The following NLGN4X variants were observed in gnomAD, a reference collection of about 807,000 sequenced individuals.
The protein encoded by NLGN4X is neuroligin-4, X-linked.
NLGN4X carries 3 observed loss-of-function variants against 40.3 expected under a neutral mutation model. The observed-to-expected ratio is 0.07, with a 90% CI of 0.03 to 0.19. The LOEUF (loss-of-function observed/expected upper bound fraction) is 0.19. NLGN4X is among the 10% of genes least tolerant of loss of function. The probability of loss-of-function intolerance (pLI) is 1.00; values close to 1 mark genes in which losing one functional copy is unlikely to be tolerated. For missense variants in NLGN4X, 382 were observed against 708.3 expected, an observed-to-expected ratio of 0.54 and a Z score of 5.23; for synonymous variants, 270 against 306.8, an observed-to-expected ratio of 0.88 and a Z score of 1.25.
intron 1 of NLGN4X, among the ~76,000 whole-genome samples, chrX:6,225,689 CTT>C (rs749574818): frequency 3.0e-4 from 8 of 26,900 alleles, no homozygotes; most frequent in Non-Finnish European, 3.2e-4. Flanking sequence ...TTCTTTTTTT[CTT>C]TTTTTTTTTT....
At chrX:5,916,560 C>T (rs1164093903) in intron 3 of NLGN4X, among the ~76,000 whole-genome samples, 3 of 111,568 alleles carry the variant, frequency 2.7e-5, no homozygotes, top group African/African-American at 9.8e-5. Flanking sequence ...AGCGACTCTC[C>T]TGCCTCAGCC....
At chrX:6,004,565 A>G (rs2036055684) in intron 3 of NLGN4X, among the ~76,000 whole-genome samples, 1 of 112,280 alleles carries the variant, frequency 8.9e-6, no homozygotes. Flanking sequence ...GAAATGTTTC[A>G]TTTGATAGGA....
At chrX:6,046,951 A>G (rs2037338345) in intron 2 of NLGN4X, among the ~76,000 whole-genome samples, 1 of 108,272 alleles carries the variant, frequency 9.2e-6, no homozygotes, top group Non-Finnish European at 1.9e-5. Context: ...TATACATTAT[A>G]TACTAATGCT....
intron 1 of NLGN4X, among the ~76,000 whole-genome samples, chrX:6,228,114 C>T (rs940438872): frequency 4.5e-5 from 5 of 111,552 alleles, no homozygotes; most frequent in African/African-American, 1.6e-4. Context: ...TCCTCCTCTC[C>T]CCGCCACAGT....
chrX:5,950,668 A>C (rs2034278915), intron 3 of NLGN4X, among the ~76,000 whole-genome samples: 1 of 112,352 alleles, frequency 8.9e-6, no homozygotes, highest in South Asian at 3.7e-4. Flanking sequence ...TGTTACTTAA[A>C]CACCACGTCA....
chrX:6,213,696 A>T (rs1458205217), intron 1 of NLGN4X, among the ~76,000 whole-genome samples: 2 of 112,483 alleles, frequency 1.8e-5, no homozygotes, highest in Non-Finnish European at 1.9e-5. Flanking sequence ...TGTATTTTGT[A>T]AAAGTAGTCA....
At chrX:6,188,839 T>G (rs769916232) in intron 1 of NLGN4X, among the ~76,000 whole-genome samples, 1 of 112,192 alleles carries the variant, frequency 8.9e-6, no homozygotes, top group East Asian at 2.8e-4. Context: ...TAACATAAGA[T>G]CACTAAGACT....
chrX:5,928,906 A>T (rs1317103977), intron 3 of NLGN4X, among the ~76,000 whole-genome samples: 1 of 108,914 alleles, frequency 9.2e-6, no homozygotes, highest in Non-Finnish European at 1.9e-5. Flanking sequence ...CTGGTCCTTG[A>T]ACTCCTGGGC....
intron 1 of NLGN4X, among the ~76,000 whole-genome samples, chrX:6,220,917 T>C (rs1925618950): frequency 9.2e-6 from 1 of 108,612 alleles, no homozygotes; most frequent in South Asian, 4.0e-4. Context: ...TTTGTATTTT[T>C]AGTAGAGACA....
intron 2 of NLGN4X, chrX:6,032,630 AG>A: frequency 1.1e-5 from 8 of 761,059 alleles, no homozygotes; most frequent in East Asian, 3.4e-5. Flanking sequence ...AAAAAAAAAA[AG>A]AGAGATAGAT....
rs1048583993 is a variant in NLGN4X, at chrX:6,198,966, C to T, written c.-306+29575G>A. On this transcript the variant is annotated intron_variant, in intron 1 of 5. Transcript: ENST00000381095. ...TAAAAAGAAGTATCTCTAGGATGGT[C>T]CATTATTTATTGAATTTTCTTTTGA... 2.7e-5 allele frequency among the ~76,000 whole-genome samples: 3 copies of T among 111,642 alleles called. No homozygotes were observed. In the Admixed American group the frequency reaches 2.9e-4, roughly 11 times the overall value.
intron 2 of NLGN4X, among the ~76,000 whole-genome samples, chrX:6,036,610 GCACACACACACACA>G (rs55801725): frequency 1.1e-5 from 1 of 93,562 alleles, no homozygotes; most frequent in African/African-American, 4.0e-5. Context: ...TGTGGCTGGC[GCACACACACACACA>G]CACACACACA....
intron 1 of NLGN4X, among the ~76,000 whole-genome samples, chrX:6,223,766 C>T (rs1178905133): frequency 1.8e-5 from 2 of 112,751 alleles, no homozygotes; most frequent in Non-Finnish European, 3.7e-5. Flanking sequence ...ATTGACTGTG[C>T]AAAAGATGTA....
At chrX:6,197,445 A>ATTTTTTTTTTTTTTTTTTTTTTTT (rs1430016429) in intron 1 of NLGN4X, among the ~76,000 whole-genome samples, 2 of 86,703 alleles carry the variant, frequency 2.3e-5, no homozygotes, top group Non-Finnish European at 4.6e-5. Context: ...TTTTTTTTGT[A>ATTTTTTTTTTTTTTTTTTTTTTTT]TTTTTTATAG....
rs1439744415 is a variant in NLGN4X at position 6,135,390 on chromosome X, T to C, written c.472+15605A>G. Among the ~76,000 whole-genome samples the C allele has an allele frequency of 3.6e-5, 4 of 112,101 alleles. No individual in the cohort carries two copies. In the East Asian group the frequency reaches 1.1e-3, roughly 31 times the overall value. ...CCTCTTTTTAGCTGAAAAAAGGAAA[T>C]ATCCTAGGTAAGGTTTTGCCCCAAG... On this transcript the variant is annotated intron_variant, in intron 2 of 5. Transcript: ENST00000381095.
intron 2 of NLGN4X, among the ~76,000 whole-genome samples, chrX:6,098,468 G>A (rs1371875179): frequency 9.0e-6 from 1 of 111,393 alleles, no homozygotes; most frequent in Non-Finnish European, 1.9e-5. Flanking sequence ...TTGCCTTTGT[G>A]TCTCCAAGGT....
intron 3 of NLGN4X, among the ~76,000 whole-genome samples, chrX:5,987,619 AT>A (rs2035566004): frequency 8.9e-6 from 1 of 112,039 alleles, no homozygotes; most frequent in Non-Finnish European, 1.9e-5. Context: ...CATCTATTAT[AT>A]TGTTTCATAT....
chrX:5,893,825 C>T (rs1365952516), intron 5 of NLGN4X, among the ~76,000 whole-genome samples, 159 bp from the exon 6 acceptor site: 4 of 112,351 alleles, frequency 3.6e-5, no homozygotes, highest in Non-Finnish European at 7.5e-5. Context: ...CTGCTTTAAT[C>T]CTAGACCTGT....
At chrX:5,935,571 A>G (rs1021996948) in intron 3 of NLGN4X, among the ~76,000 whole-genome samples, 1 of 112,101 alleles carries the variant, frequency 8.9e-6, no homozygotes, top group Non-Finnish European at 1.9e-5. Flanking sequence ...ATGCACATAA[A>G]ATATGGTCCA....
Sources: allele counts gnomAD v4.1 joint callset (sites outside exome capture counted in the v4.1 genomes callset), GRCh38; gene constraint gnomAD v4.1.1; transcripts MANE v1.5; gene names NCBI Gene and HGNC (gene_info 2026-07-23, HGNC 2026-07-21).